The following CSMD1 variants were observed in gnomAD, a reference collection of about 807,000 sequenced individuals.
CSMD1 encodes the protein CUB and sushi domain-containing protein 1.
CSMD1 carries 213 observed loss-of-function variants against 417.5 expected under a neutral mutation model. The ratio of observed to expected loss-of-function variants is 0.51; its 90% CI spans 0.46 to 0.57. CSMD1 has a LOEUF of 0.57. Ranked by LOEUF, CSMD1 falls within the 20% of genes least tolerant of loss-of-function variation. CSMD1 has a pLI of 0.00. For missense variants in CSMD1, 6,923 were observed against 4,529.7 expected (o/e 1.53, Z -15.17); for synonymous variants, 2,862 against 1,736.8 (o/e 1.65, Z -16.11).
chr8:3,303,054 G>A (rs943034379), intron 25 of CSMD1, among the ~76,000 whole-genome samples: 1 of 152,118 alleles, frequency 6.6e-6, no homozygotes, highest in African/African-American at 2.4e-5. Context: ...TTTACTTCAT[G>A]GCTGAAATTA....
intron 10 of CSMD1, among the ~76,000 whole-genome samples, chr8:3,507,832 T>C (rs956392967): frequency 2.0e-5 from 3 of 152,216 alleles, no homozygotes; most frequent in African/African-American, 7.2e-5. Flanking sequence ...TCATATCCTT[T>C]GCCCACTTTT....
intron 3 of CSMD1, among the ~76,000 whole-genome samples, chr8:4,228,680 C>T (rs1801515742): frequency 7.0e-6 from 1 of 142,848 alleles, no homozygotes; most frequent in South Asian, 2.2e-4. Context: ...TTATTTTATT[C>T]ATTTATTATT....
At chr8:3,902,069 C>T (rs900193201) in intron 5 of CSMD1, among the ~76,000 whole-genome samples, 6 of 152,098 alleles carry the variant, frequency 3.9e-5, no homozygotes, top group Non-Finnish European at 5.9e-5. Flanking sequence ...CAGATTGTTG[C>T]CAGATTCCTA....
At chr8:4,952,928 A>G (rs1808849612) in intron 1 of CSMD1, among the ~76,000 whole-genome samples, 2 of 152,178 alleles carry the variant, frequency 1.3e-5, no homozygotes, top group South Asian at 2.1e-4. Context: ...TCACTGCTAC[A>G]TACTACAAGA....
chr8:4,446,755 C>CTGTGTGTGTG (rs58002310), intron 2 of CSMD1, among the ~76,000 whole-genome samples: 29 of 133,018 alleles, frequency 2.2e-4, no homozygotes, highest in Non-Finnish European at 3.0e-4. Context: ...GTGTGTGTGT[C>CTGTGTGTGTG]TGTGTGTGTG....
At chr8:3,771,726 A>T (rs1350248614) in intron 5 of CSMD1, among the ~76,000 whole-genome samples, 1 of 152,134 alleles carries the variant, frequency 6.6e-6, no homozygotes, top group Non-Finnish European at 1.5e-5. Flanking sequence ...AAAACGCAAG[A>T]TTCAATGACA....
At chr8:3,333,832 A>G (rs556993647) in intron 23 of CSMD1, among the ~76,000 whole-genome samples, 6 of 152,360 alleles carry the variant, frequency 3.9e-5, no homozygotes, top group Admixed American at 2.0e-4. Flanking sequence ...TTCTTTGAAT[A>G]CTATAATCTC....
intron 3 of CSMD1, among the ~76,000 whole-genome samples, chr8:4,286,368 G>A (rs1005075079): frequency 1.3e-5 from 2 of 152,028 alleles, no homozygotes; most frequent in African/African-American, 4.8e-5. Context: ...TTCTATGTTA[G>A]TTCAAAACTA....
At chr8:3,904,245 C>G (rs560890205) in intron 5 of CSMD1, among the ~76,000 whole-genome samples, 1 of 152,182 alleles carries the variant, frequency 6.6e-6, no homozygotes, top group Admixed American at 6.5e-5. Flanking sequence ...AGGGTAGAGA[C>G]GAATAGCACC....
chr8:3,956,683 A>G (rs913681655), intron 5 of CSMD1, among the ~76,000 whole-genome samples: 1 of 152,148 alleles, frequency 6.6e-6, no homozygotes, highest in South Asian at 2.1e-4. Flanking sequence ...TTACTACCCG[A>G]TGTGGCAGAA....
intron 5 of CSMD1, among the ~76,000 whole-genome samples, chr8:3,790,222 A>C (rs1799659639): frequency 2.0e-5 from 3 of 152,238 alleles, no homozygotes; most frequent in Admixed American, 2.0e-4. Context: ...GCCTACACAA[A>C]ACTCCTTTAT....
At chr8:3,498,385 T>C (rs1409354202) in intron 10 of CSMD1, among the ~76,000 whole-genome samples, 2 of 152,218 alleles carry the variant, frequency 1.3e-5, no homozygotes, top group East Asian at 1.9e-4. Context: ...TAATTTTTTC[T>C]TTTTTCTTTT....
chr8:3,902,365 A>G (rs1019565375), intron 5 of CSMD1, among the ~76,000 whole-genome samples: 2 of 152,172 alleles, frequency 1.3e-5, no homozygotes, highest in African/African-American at 2.4e-5. Context: ...TGTTTACAAA[A>G]ACATGTGATC....
chr8:3,810,728 A>T (rs979724103), intron 5 of CSMD1, among the ~76,000 whole-genome samples: 1 of 152,190 alleles, frequency 6.6e-6, no homozygotes, highest in Non-Finnish European at 1.5e-5. Flanking sequence ...ATTTGTTATG[A>T]AAAAGCCTTG....
intron 7 of CSMD1, among the ~76,000 whole-genome samples, chr8:3,658,477 T>TAC (rs1483868321): frequency 6.9e-6 from 1 of 145,156 alleles, no homozygotes; most frequent in African/African-American, 2.6e-5. Context: ...TATATATATA[T>TAC]ATATTTAATT....
chr8:3,707,474 C>T (rs1410624145), intron 7 of CSMD1, among the ~76,000 whole-genome samples: 1 of 152,160 alleles, frequency 6.6e-6, no homozygotes. Context: ...AAACACAACC[C>T]AATGGGTAGA....
chr8:4,795,406 G>T (rs1180265529), intron 1 of CSMD1, among the ~76,000 whole-genome samples: 1 of 151,134 alleles, frequency 6.6e-6, no homozygotes, highest in African/African-American at 2.4e-5. Flanking sequence ...CGAGTAGCTG[G>T]GATTACAGGT....
At chr8:3,458,225 A>G (rs1816281276) in intron 12 of CSMD1, among the ~76,000 whole-genome samples, 1 of 152,122 alleles carries the variant, frequency 6.6e-6, no homozygotes, top group Admixed American at 6.5e-5. Flanking sequence ...GGCCACTAAC[A>G]CTGGAATTTA....
At chr8:3,175,346 C>A (rs1435879103) in intron 37 of CSMD1, among the ~76,000 whole-genome samples, 1 of 151,226 alleles carries the variant, frequency 6.6e-6, no homozygotes, top group South Asian at 2.1e-4. Context: ...CAACCTCCTA[C>A]GTTATTCAGA....
Sources: gnomAD v4.1 joint callset for allele counts (sites outside exome capture counted in the v4.1 genomes callset) on GRCh38, gnomAD v4.1.1 for gene constraint, MANE v1.5 for transcripts, NCBI Gene and HGNC (gene_info 2026-07-23, HGNC 2026-07-21) for gene names.